The following TRIM66 variants were observed in gnomAD, a reference collection of about 807,000 sequenced individuals.
The protein encoded by TRIM66 is tripartite motif-containing protein 66.
TRIM66 carries 99 observed loss-of-function variants against 148.2 expected under a neutral mutation model. That is an observed-to-expected ratio of 0.67 (90% CI 0.57 to 0.79). TRIM66 has a LOEUF of 0.79. TRIM66 is among the 30% of genes least tolerant of loss of function. The pLI, the probability that TRIM66 is intolerant of heterozygous loss-of-function variation, is 0.00. For synonymous variants in TRIM66, 616 were observed against 635.9 expected, an observed-to-expected ratio of 0.97 and a Z score of 0.47; for missense variants, 1,666 against 1,697.9, an observed-to-expected ratio of 0.98 and a Z score of 0.33.
chr11:8,624,157 C>T (rs1231176253), intron 17 of TRIM66, among the ~76,000 whole-genome samples: 1 of 152,168 alleles, frequency 6.6e-6, no homozygotes, highest in African/African-American at 2.4e-5. Flanking sequence ...CCTGGCCATG[C>T]CTAGATCAGC....
intron 11 of TRIM66, 110 bp from the exon 12 acceptor site, chr11:8,645,997 C>CA: frequency 9.2e-7 from 1 of 1,091,162 alleles, no homozygotes; most frequent in Non-Finnish European, 1.3e-6. Context: ...GATGAGACTA[C>CA]ACCCCTGAGA....
chr11:8,633,188 G>A (rs2035572048), intron 15 of TRIM66, among the ~76,000 whole-genome samples: 1 of 152,156 alleles, frequency 6.6e-6, no homozygotes, highest in African/African-American at 2.4e-5. Flanking sequence ...CAGGCATGGT[G>A]GAACATGCCT....
In TRIM66 at chr11:8,672,009, G is replaced by C. The variant is rs1205139838; in HGVS notation, c.117C>G (p.Asp39Glu). 1 of 1,536,054 alleles carries C rather than the reference G, an allele frequency of 6.5e-7. No individual in the cohort carries two copies. Among genetic ancestry groups the C allele is most frequent in the South Asian group, 1.2e-5 (1 of 84,064 alleles). Residue 39 changes from aspartate (D) to glutamate (E), a missense_variant, in exon 6 of 25, where the codon GAC becomes GAG. Around this residue, in one of 3 missense-constraint regions of TRIM66, gnomAD observed 1,431 missense variants for 1,412.4 expected, o/e 1.01. Coordinates refer to ENST00000646038, the MANE Select transcript of TRIM66 (RefSeq NM_001388022.1). ...APVLGTGMAV[D>E]MGMSFMGLPL... is the part of the protein sequence containing the mutation. ...GCAGCCCCATAAAGCTCATGCCCATGTCCACAGCCATGCCTGTGCCCAGGA... is the reference window on the plus strand; with the variant it reads ...GCAGCCCCATAAAGCTCATGCCCATCTCCACAGCCATGCCTGTGCCCAGGA...
chr11:8,647,903 G>C (rs1265933431), intron 10 of TRIM66, 67 bp downstream of exon 10: 3 of 1,248,146 alleles, frequency 2.4e-6, no homozygotes, highest in Non-Finnish European at 3.4e-6. Context: ...TGACGGCCTG[G>C]TGTTGGAACC....
intron 6 of TRIM66, among the ~76,000 whole-genome samples, chr11:8,665,294 C>T (rs571618753): frequency 6.6e-6 from 1 of 152,282 alleles, no homozygotes; most frequent in South Asian, 2.1e-4. Flanking sequence ...CTAGGCTAGC[C>T]AGAGACAGGT....
intron 6 of TRIM66, among the ~76,000 whole-genome samples, chr11:8,655,827 T>C (rs1337224168): frequency 1.3e-5 from 2 of 152,022 alleles, no homozygotes; most frequent in East Asian, 1.9e-4. Flanking sequence ...AAAAATATTC[T>C]CTTGGGCAAG....
intron 7 of TRIM66, among the ~76,000 whole-genome samples, chr11:8,650,387 A>C (rs562465601): frequency 5.7e-4 from 87 of 151,916 alleles, no homozygotes; most frequent in African/African-American, 2.1e-3. Flanking sequence ...AAGGATGAGG[A>C]AGAAGGCAAA....
intron 15 of TRIM66, among the ~76,000 whole-genome samples, chr11:8,630,375 C>T (rs1340718977): frequency 2.0e-5 from 3 of 152,178 alleles, no homozygotes; most frequent in Non-Finnish European, 4.4e-5. Flanking sequence ...GTATTTCTAG[C>T]TATAAAGTAC....
chr11:8,660,410 C>T (rs1247614549), intron 6 of TRIM66, among the ~76,000 whole-genome samples: 5 of 152,316 alleles, frequency 3.3e-5, no homozygotes, highest in African/African-American at 9.6e-5. Context: ...CTTGGTGTCA[C>T]CTACAGATTC....
chr11:8,632,716 C>G (rs1442776277), intron 15 of TRIM66, among the ~76,000 whole-genome samples: 2 of 152,146 alleles, frequency 1.3e-5, no homozygotes, highest in Admixed American at 1.3e-4. Context: ...TTGCCTCGGC[C>G]TTCCAAAGTG....
intron 20 of TRIM66, 125 bp downstream of exon 20, chr11:8,620,907 A>G: frequency 7.7e-7 from 1 of 1,292,854 alleles, no homozygotes; most frequent in South Asian, 1.6e-5. Context: ...CAGACCTGCA[A>G]TTCAAGCAGG....
At chr11:8,648,336 G>A in intron 9 of TRIM66, 80 bp downstream of exon 9, 1 of 1,510,994 alleles carries the variant, frequency 6.6e-7, no homozygotes, top group Non-Finnish European at 8.9e-7. Context: ...AGATTCTGAT[G>A]CACGGGGATT....
rs1364857917 is a variant in TRIM66 at position 8,618,861 on chromosome 11, G to A, written c.4008C>T (p.Asp1336=). Residue 1336 remains aspartate, a synonymous_variant, in exon 24 of 25, where the codon GAC becomes GAT. Coordinates refer to ENST00000646038, the MANE Select transcript of TRIM66 (RefSeq NM_001388022.1). ...CACTAGACACCTCCTCGGAGTCTGAGTCCTCCTGCCTTGGCTGGGCAAACC... is the reference window on the plus strand; with the variant it reads ...CACTAGACACCTCCTCGGAGTCTGAATCCTCCTGCCTTGGCTGGGCAAACC... ...EKRFAQPRQE[D]SDSEEVSSES... 1.3e-6 allele frequency: 2 copies of A among 1,551,450 alleles called. No homozygotes were observed. The highest frequency in any genetic ancestry group is 1.7e-6 in the Non-Finnish European group (2 of 1,146,962).
At chr11:8,626,722 G>A (rs964719030) in intron 15 of TRIM66, among the ~76,000 whole-genome samples, 2 of 152,112 alleles carry the variant, frequency 1.3e-5, no homozygotes, top group African/African-American at 2.4e-5. Context: ...ATAAAACCCC[G>A]CAGTGCGCTA....
Position 8,622,881 on chromosome 11 carries a change from G to C in TRIM66, c.3020-5C>G, listed in dbSNP as rs761653095. On this transcript the variant is annotated splice_region_variant and splice_polypyrimidine_tract_variant and intron_variant, in intron 17 of 24. Coordinates refer to ENST00000646038, the MANE Select transcript of TRIM66 (RefSeq NM_001388022.1). The stretch of plus-strand genomic sequence containing the variant: ...CTTGTTCAAAATTCTCACACTCTAA[G>C]GCAAAAGACAAACAAATACCTGTGA... 6 of 1,551,736 alleles carry C rather than the reference G, an allele frequency of 3.9e-6. No homozygotes were observed. In the South Asian group the frequency reaches 5.9e-5, roughly 15 times the overall value.
chr11:8,626,277 G>C (rs1287429798), intron 15 of TRIM66, among the ~76,000 whole-genome samples: 2 of 152,030 alleles, frequency 1.3e-5, no homozygotes, highest in Admixed American at 1.3e-4. Flanking sequence ...GAAAAACAAA[G>C]AGAAAATGGG....
rs1413347767 is a variant in TRIM66 at position 8,614,858 on chromosome 11, C to CA, written c.*3085dup. 6.6e-6 allele frequency: 1 copy of CA among 152,184 alleles called. No homozygotes were observed. Among genetic ancestry groups the CA allele is most frequent in the African/African-American group, 2.4e-5 (1 of 41,434 alleles). The allele number at this position is 152,184 out of a possible 1,614,324, so 9.4% of individuals were successfully genotyped here. On this transcript the variant is annotated 3_prime_UTR_variant, in exon 25 of 25. Transcript: ENST00000646038. The stretch of plus-strand genomic sequence containing the variant: ...AGAGGCAGGCAAGGTGTATAGTTAG[C>CA]AATTGCTAGAAGTCAGGCAGGGCTA...
chr11:8,645,964 T>A, intron 11 of TRIM66, 77 bp from the exon 12 acceptor site: 1 of 1,424,986 alleles, frequency 7.0e-7, no homozygotes, highest in Non-Finnish European at 9.6e-7. Context: ...TCTGGTGGCT[T>A]GTGTGTGTCA....
chr11:8,651,036 C>A (rs1188052088), intron 7 of TRIM66, among the ~76,000 whole-genome samples: 2 of 152,120 alleles, frequency 1.3e-5, no homozygotes, highest in Non-Finnish European at 2.9e-5. Context: ...AAATATCTTG[C>A]CCGGGCTATT....
Sources: allele counts gnomAD v4.1 joint callset (sites outside exome capture counted in the v4.1 genomes callset), GRCh38; gene constraint gnomAD v4.1.1; regional missense constraint gnomAD v4.1.1; transcripts MANE v1.5; gene names NCBI Gene and HGNC (gene_info 2026-07-23, HGNC 2026-07-21).